HIVEP3: variants seen among roughly 807,000 people sequenced by gnomAD.
HIVEP3 encodes HIVEP zinc finger 3, also known as transcription factor HIVEP3.
Under a neutral mutation model 152.8 loss-of-function variants are expected in HIVEP3, and 49 were observed. The observed-to-expected ratio is 0.32, with a 90% CI of 0.26 to 0.41. The LOEUF (loss-of-function observed/expected upper bound fraction) is 0.41. Ranked by LOEUF, HIVEP3 falls within the 10% of genes least tolerant of loss-of-function variation. The pLI is 1.00. For synonymous variants in HIVEP3, 1,269 were observed against 1,289.0 expected (o/e 0.98, Z 0.33); for missense variants, 2,790 against 3,103.3 (o/e 0.90, Z 2.40).
intron 6 of HIVEP3, among the ~76,000 whole-genome samples, chr1:41,520,405 A>C (rs1569699122): frequency 6.6e-6 from 1 of 152,322 alleles, no homozygotes; most frequent in East Asian, 1.9e-4. Context: ...CAAAGCCATA[A>C]ATTTCAGAGT....
chr1:41,760,464 G>A (rs576103504), intron 1 of HIVEP3, among the ~76,000 whole-genome samples: 1 of 152,232 alleles, frequency 6.6e-6, no homozygotes, highest in South Asian at 2.1e-4. Context: ...TGACCCCTTG[G>A]TTAATCCCTC....
chr1:41,828,707 C>T (rs574817799), intron 1 of HIVEP3, among the ~76,000 whole-genome samples: 1 of 152,312 alleles, frequency 6.6e-6, no homozygotes, highest in Admixed American at 6.5e-5. Context: ...TGATAGTGAA[C>T]AGGTGCCTTG....
chr1:41,963,524 G>A (rs186652038), intron 1 of HIVEP3, among the ~76,000 whole-genome samples: 1 of 151,124 alleles, frequency 6.6e-6, no homozygotes, highest in South Asian at 2.1e-4. Context: ...GTTGTGGGGT[G>A]GGGGGAGCGG....
In HIVEP3 at chr1:41,604,870, G is replaced by A. The variant is rs1012132021; in HGVS notation, c.-521-19552C>T. 5.9e-5 allele frequency among the ~76,000 whole-genome samples: 9 copies of A among 152,136 alleles called. No homozygotes were observed. The South Asian group carries it at 6.2e-4, about 11-fold the overall frequency. Reference sequence around the variant, plus strand: ...TATAATCTCAGCATTTTGGGAGGCCGAGGTGAGTGAACTGCTTGAGCCCAG... The same window carrying A: ...TATAATCTCAGCATTTTGGGAGGCCAAGGTGAGTGAACTGCTTGAGCCCAG... On this transcript the variant is annotated intron_variant, in intron 3 of 8. Transcript: ENST00000372583.
chr1:41,785,257 G>A (rs986127817), intron 1 of HIVEP3, among the ~76,000 whole-genome samples: 2 of 152,084 alleles, frequency 1.3e-5, no homozygotes, highest in South Asian at 2.1e-4. Flanking sequence ...CCTTCTGTAT[G>A]AGAAAAGTTG....
intron 1 of HIVEP3, among the ~76,000 whole-genome samples, chr1:41,998,211 C>T (rs1215342877): frequency 2.0e-5 from 3 of 152,006 alleles, no homozygotes; most frequent in Admixed American, 2.0e-4. Context: ...ATAAAATGAA[C>T]ATAATATGTT....
At chr1:41,559,252 C>G (rs2149087159) in intron 5 of HIVEP3, among the ~76,000 whole-genome samples, 1 of 152,314 alleles carries the variant, frequency 6.6e-6, no homozygotes, top group South Asian at 2.1e-4. Context: ...CCCTCAATTC[C>G]TGGCTTCCCT....
chr1:41,775,466 GT>G (rs1173222105), intron 1 of HIVEP3, among the ~76,000 whole-genome samples: 2 of 151,988 alleles, frequency 1.3e-5, no homozygotes, highest in Non-Finnish European at 2.9e-5. Flanking sequence ...TGGAAGGAGT[GT>G]TTTTTGTTTG....
intron 1 of HIVEP3, among the ~76,000 whole-genome samples, chr1:41,881,309 C>G (rs977777989): frequency 2.6e-5 from 4 of 152,108 alleles, no homozygotes; most frequent in African/African-American, 9.7e-5. Flanking sequence ...CACAATGCCC[C>G]CTTTGAAGAT....
At chr1:41,738,658 T>A (rs1266997966) in intron 1 of HIVEP3, among the ~76,000 whole-genome samples, 1 of 152,140 alleles carries the variant, frequency 6.6e-6, no homozygotes, top group Non-Finnish European at 1.5e-5. Context: ...GGCTTTGTGG[T>A]CAGGAAGCCC....
chr1:41,670,827 T>C lies in HIVEP3; in HGVS notation c.-721+30089A>G, dbSNP rs117836887. Among the ~76,000 whole-genome samples, 279 of 152,252 alleles carry C rather than the reference T, an allele frequency of 1.8e-3. 5 individuals carry two copies. In the East Asian group the frequency reaches 0.039, roughly 21 times the overall value. On this transcript the variant is annotated intron_variant, in intron 2 of 8. Coordinates refer to ENST00000372583, the MANE Select transcript of HIVEP3 (RefSeq NM_024503.5). ...GGGCAACCAGTGCAAAGGCCCTGCG[T>C]CGGGCATATTACACAGGGCCTGGCA...
At chr1:41,761,927 C>T (rs549904432) in intron 1 of HIVEP3, among the ~76,000 whole-genome samples, 1 of 152,314 alleles carries the variant, frequency 6.6e-6, no homozygotes, top group East Asian at 1.9e-4. Context: ...GCCTGAAAGC[C>T]GAGTTACAAG....
At chr1:41,722,176 C>T (rs1204171254) in intron 1 of HIVEP3, among the ~76,000 whole-genome samples, 2 of 152,178 alleles carry the variant, frequency 1.3e-5, no homozygotes, top group African/African-American at 2.4e-5. Context: ...GTATCTCCTT[C>T]GCAGTGTGGA....
chr1:41,546,946 A>T (rs978546781), intron 5 of HIVEP3, among the ~76,000 whole-genome samples: 2 of 152,228 alleles, frequency 1.3e-5, no homozygotes, highest in Non-Finnish European at 2.9e-5. Flanking sequence ...CAAATGACAG[A>T]AAGAGAACAG....
At chr1:41,704,139 G>A (rs1264469112) in intron 1 of HIVEP3, among the ~76,000 whole-genome samples, 1 of 152,148 alleles carries the variant, frequency 6.6e-6, no homozygotes. Flanking sequence ...CTGCACCTGG[G>A]CCCAGTCCAC....
rs183855811 is a variant in HIVEP3, at chr1:41,963,073, G to A, written n.120-44549C>T. On this transcript the variant is annotated intron_variant and non_coding_transcript_variant, in intron 1 of 3. Coordinates refer to the HIVEP3 transcript ENST00000489103. Reference sequence around the variant, plus strand: ...GTCACCCAGGCTGGAGTGCAGTGGCGCGATCTCGGCTCACTGCAAACTCTG... The same window carrying A: ...GTCACCCAGGCTGGAGTGCAGTGGCACGATCTCGGCTCACTGCAAACTCTG... Among the ~76,000 whole-genome samples the A allele has an allele frequency of 2.2e-4, 33 of 152,198 alleles. 1 individual carries two copies. The East Asian group carries it at 5.6e-3, about 26-fold the overall frequency.
At chr1:41,862,590 T>C (rs1434991248) in intron 1 of HIVEP3, among the ~76,000 whole-genome samples, 1 of 152,182 alleles carries the variant, frequency 6.6e-6, no homozygotes, top group Non-Finnish European at 1.5e-5. Flanking sequence ...CATTTCTGCA[T>C]GGCTGTCAAC....
chr1:41,913,597 A>G (rs145644565), intron 1 of HIVEP3, among the ~76,000 whole-genome samples: 2 of 151,862 alleles, frequency 1.3e-5, no homozygotes, highest in Non-Finnish European at 2.9e-5. Context: ...GGGTCTTGCT[A>G]TGTCGCCCAG....
At chr1:41,940,583 T>C (rs887605448) in intron 1 of HIVEP3, among the ~76,000 whole-genome samples, 11 of 152,226 alleles carry the variant, frequency 7.2e-5, no homozygotes, top group Non-Finnish European at 1.5e-4. Flanking sequence ...CATAAATATC[T>C]ACAATATGTG....
Sources: allele counts gnomAD v4.1 joint callset (sites outside exome capture counted in the v4.1 genomes callset), GRCh38; gene constraint gnomAD v4.1.1; transcripts MANE v1.5; gene names NCBI Gene and HGNC (gene_info 2026-07-23, HGNC 2026-07-21).